Variants in PCMTD1 observed in about 807,000 individuals in gnomAD.
The protein encoded by PCMTD1 is protein-L-isoaspartate (D-aspartate) O-methyltransferase domain containing 1.
Under a neutral mutation model 37.6 loss-of-function variants are expected in PCMTD1, and 12 were observed. That is an observed-to-expected ratio of 0.32 (90% CI 0.20 to 0.52). The LOEUF (loss-of-function observed/expected upper bound fraction) is 0.52, where lower values mean the gene tolerates loss of function less well. PCMTD1 is among the 20% of genes least tolerant of loss of function. The pLI is 0.97. For synonymous variants in PCMTD1, 117 were observed against 135.8 expected (o/e 0.86, Z 0.96); for missense variants, 235 against 421.3 (o/e 0.56, Z 3.87).
chr8:51,861,225 G>C lies in PCMTD1; in HGVS notation c.-74C>G. On this transcript the variant is annotated 5_prime_UTR_variant, in exon 2 of 6. In the 5' UTR this introduces an upstream ATG that the reference lacks. Transcript: ENST00000522514. The stretch of plus-strand genomic sequence containing the variant: ...AGAAATGGCTTCCAATATTGCACTT[G>C]ATTTCCAAAAATAAATTAATCCTGG... The C allele has an allele frequency of 6.8e-7, 1 of 1,466,354 alleles. No individual in the cohort carries two copies. The highest frequency in any genetic ancestry group is 9.0e-7 in the Non-Finnish European group (1 of 1,105,792). The allele number at this position is 1,466,354 out of a possible 1,614,324, so 90.8% of individuals were successfully genotyped here. A position where few individuals can be genotyped will look rare whatever the true frequency, so the allele number is the denominator to read the frequency against.
At position 51,839,766 on chromosome 8, in the gene PCMTD1, T is replaced by C. The variant is rs546720004; in HGVS notation, c.410+5895A>G. The C allele has an allele frequency of 1.2e-5, 4 of 327,904 alleles. No individual in the cohort carries two copies. In the South Asian group the frequency reaches 3.7e-4, roughly 30 times the overall value. 20.3% of individuals were successfully genotyped at this position (327,904 alleles called of 1,614,324 possible). A position where few individuals can be genotyped will look rare whatever the true frequency, so the allele number is the denominator to read the frequency against. On this transcript the variant is annotated intron_variant, in intron 3 of 5. Coordinates refer to ENST00000522514, the MANE Select transcript of PCMTD1 (RefSeq NM_052937.4). ...ATTTTAGACAATTATTCCAGTGGAATAGAGAAATTTCAAGGACGTGGAAAA... is the reference window on the plus strand; with the variant it reads ...ATTTTAGACAATTATTCCAGTGGAACAGAGAAATTTCAAGGACGTGGAAAA...
At chr8:51,880,345 T>C (rs2038774443) in intron 1 of PCMTD1, among the ~76,000 whole-genome samples, 1 of 152,320 alleles carries the variant, frequency 6.6e-6, no homozygotes, top group East Asian at 1.9e-4. Flanking sequence ...ACTTTAGGCC[T>C]ATAAGATTCA....
At chr8:51,845,796 TTAA>T in intron 2 of PCMTD1, 33 bp from the exon 3 acceptor site, 4 of 1,453,898 alleles carry the variant, frequency 2.8e-6, no homozygotes, top group East Asian at 2.3e-5. Flanking sequence ...ATAAAAAATA[TTAA>T]TAATATGCCC....
At chr8:51,830,229 CT>C (rs1299587587) in intron 5 of PCMTD1, among the ~76,000 whole-genome samples, 1 of 152,160 alleles carries the variant, frequency 6.6e-6, no homozygotes, top group East Asian at 1.9e-4. Flanking sequence ...TATCTCCACT[CT>C]CCGCTAAATG....
intron 1 of PCMTD1, among the ~76,000 whole-genome samples, chr8:51,876,126 A>G (rs1296575214): frequency 3.0e-5 from 2 of 66,560 alleles, no homozygotes; most frequent in Non-Finnish European, 1.6e-4. Flanking sequence ...TAATCCTTCC[A>G]TAAACAAACA....
chr8:51,860,561 T>C (rs1022099150), intron 2 of PCMTD1: 4 of 269,380 alleles, frequency 1.5e-5, no homozygotes, highest in Admixed American at 4.8e-5. Context: ...TGAAATAGAT[T>C]AAATATTACT....
At chr8:51,885,109 G>A (rs542404517) in intron 1 of PCMTD1, among the ~76,000 whole-genome samples, 2 of 152,188 alleles carry the variant, frequency 1.3e-5, no homozygotes, top group South Asian at 2.1e-4. Flanking sequence ...ACAAGCCACC[G>A]AAATAAAGAC....
intron 3 of PCMTD1, among the ~76,000 whole-genome samples, chr8:51,836,568 A>G (rs2038069876): frequency 6.6e-6 from 1 of 152,208 alleles, no homozygotes; most frequent in African/African-American, 2.4e-5. Flanking sequence ...ACATTTATTA[A>G]ATAAATGAAC....
rs139799580 is a variant in PCMTD1, at chr8:51,899,020, G to A, written c.-186C>T. The A allele has an allele frequency of 0.019, 28,516 of 1,512,566 alleles. 303 individuals carry two copies. Among genetic ancestry groups the A allele is most frequent in the Non-Finnish European group, 0.022 (25,006 of 1,137,390 alleles). 93.7% of individuals were successfully genotyped at this position (1,512,566 alleles called of 1,614,324 possible). A position where few individuals can be genotyped will look rare whatever the true frequency, so the allele number is the denominator to read the frequency against. On this transcript the variant is annotated 5_prime_UTR_variant, in exon 1 of 6. Transcript: ENST00000522514. ...GCCGCTACCACCACAATAACAACACGGACGCCACCGCCGAGTGGAGAGGCG... is the reference window on the plus strand; with the variant it reads ...GCCGCTACCACCACAATAACAACACAGACGCCACCGCCGAGTGGAGAGGCG...
intron 1 of PCMTD1, among the ~76,000 whole-genome samples, chr8:51,880,992 A>G (rs971737149): frequency 4.6e-5 from 7 of 152,234 alleles, no homozygotes; most frequent in African/African-American, 1.4e-4. Flanking sequence ...CTTAGTTTGC[A>G]GACCACACAA....
chr8:51,891,542 C>G lies in PCMTD1; in HGVS notation c.-96+7388G>C, dbSNP rs151200173. Among the ~76,000 whole-genome samples the G allele has an allele frequency of 2.0e-5, 3 of 151,292 alleles. No individual in the cohort carries two copies. In the East Asian group the frequency reaches 5.8e-4, roughly 29 times the overall value. On this transcript the variant is annotated intron_variant, in intron 1 of 5. Transcript: ENST00000522514. Reference sequence around the variant, plus strand: ...CTGCACTCCAGGCTGGGTGACACAGCGAGGCCCTGTCTCAAAAAAAAGAAA... The same window carrying G: ...CTGCACTCCAGGCTGGGTGACACAGGGAGGCCCTGTCTCAAAAAAAAGAAA...
At chr8:51,856,212 T>G (rs1308118606) in intron 2 of PCMTD1, among the ~76,000 whole-genome samples, 1 of 152,158 alleles carries the variant, frequency 6.6e-6, no homozygotes, top group Non-Finnish European at 1.5e-5. Context: ...AAGATTTGAC[T>G]AGTCATGTCA....
At chr8:51,880,614 C>A (rs2038777862) in intron 1 of PCMTD1, among the ~76,000 whole-genome samples, 1 of 152,128 alleles carries the variant, frequency 6.6e-6, no homozygotes, top group Non-Finnish European at 1.5e-5. Context: ...AACTATGACA[C>A]CTTTAACTGA....
chr8:51,817,628 C>T lies in PCMTD1; in HGVS notation c.*2723G>A. ...ATTTAAAATAATTTTCCAAGTCTTC[C>T]AATGATTTAACAGGCTTTGCTTCAC... On this transcript the variant is annotated 3_prime_UTR_variant, in exon 6 of 6. Transcript: ENST00000522514. The T allele has an allele frequency of 5.1e-6, 1 of 195,876 alleles. No individual in the cohort carries two copies. The highest frequency in any genetic ancestry group is 7.8e-5 in the South Asian group (1 of 12,830). 12.1% of individuals were successfully genotyped at this position (195,876 alleles called of 1,614,324 possible). A position where few individuals can be genotyped will look rare whatever the true frequency, so the allele number is the denominator to read the frequency against.
chr8:51,888,967 C>T (rs1481593000), intron 1 of PCMTD1, among the ~76,000 whole-genome samples: 2 of 151,572 alleles, frequency 1.3e-5, no homozygotes, highest in Non-Finnish European at 2.9e-5. Context: ...AGTAACTTCT[C>T]GTTTCTTTTT....
At chr8:51,877,324 C>A (rs1232615621) in intron 1 of PCMTD1, among the ~76,000 whole-genome samples, 1 of 152,040 alleles carries the variant, frequency 6.6e-6, no homozygotes, top group African/African-American at 2.4e-5. Flanking sequence ...TAACTCAGAA[C>A]TTTTTAAAAG....
intron 1 of PCMTD1, among the ~76,000 whole-genome samples, chr8:51,890,827 T>A (rs1363817510): frequency 6.6e-6 from 1 of 152,202 alleles, no homozygotes; most frequent in East Asian, 1.9e-4. Flanking sequence ...CTAGCACAGA[T>A]GCATCCAGGT....
chr8:51,864,930 A>G (rs927172836), intron 1 of PCMTD1, among the ~76,000 whole-genome samples: 1 of 151,976 alleles, frequency 6.6e-6, no homozygotes, highest in Non-Finnish European at 1.5e-5. Context: ...AAAGATAAAC[A>G]AAATCAAAAA....
chr8:51,873,039 T>C (rs1370310350), intron 1 of PCMTD1, among the ~76,000 whole-genome samples: 1 of 152,228 alleles, frequency 6.6e-6, no homozygotes, highest in African/African-American at 2.4e-5. Context: ...ACTTATAAAA[T>C]GGCATCTTTC....
Sources: allele counts gnomAD v4.1 joint callset (sites outside exome capture counted in the v4.1 genomes callset), GRCh38; gene constraint gnomAD v4.1.1; transcripts MANE v1.5; gene names NCBI Gene and HGNC (gene_info 2026-07-23, HGNC 2026-07-21).